The following SBF2 variants were observed in gnomAD, a reference collection of about 807,000 sequenced individuals.
SBF2 encodes the protein SET binding factor 2.
In SBF2, 112 loss-of-function variants were observed where a neutral mutation model predicts 225.2. That is an observed-to-expected ratio of 0.50 (90% confidence interval 0.43 to 0.58). SBF2 has a LOEUF of 0.58. Ranked by LOEUF, SBF2 falls within the 20% of genes least tolerant of loss-of-function variation. SBF2 has a pLI of 0.00. For missense variants in SBF2, 1,996 were observed against 2,206.2 expected, an observed-to-expected ratio of 0.90 and a Z score of 1.91; for synonymous variants, 763 against 773.3, an observed-to-expected ratio of 0.99 and a Z score of 0.22.
intron 32 of SBF2, among the ~76,000 whole-genome samples, chr11:9,801,718 A>C (rs2133884180): frequency 6.6e-6 from 1 of 152,396 alleles, no homozygotes; most frequent in South Asian, 2.1e-4. Flanking sequence ...GTTATAAAAC[A>C]GATTGGATTA....
At chr11:9,875,607 A>C (rs1267639113) in intron 17 of SBF2, among the ~76,000 whole-genome samples, 1 of 152,212 alleles carries the variant, frequency 6.6e-6, no homozygotes, top group Non-Finnish European at 1.5e-5. Flanking sequence ...AAAGCAGGAG[A>C]AAATAACAGG....
rs376306499 is a variant in SBF2 at position 10,044,663 on chromosome 11, G to A, written c.142-1682C>T. 4.5e-4 allele frequency: 70 copies of A among 155,252 alleles called. 3 individuals carry two copies. In the South Asian group the frequency reaches 0.013, roughly 29 times the overall value. 9.6% of individuals were successfully genotyped at this position (155,252 alleles called of 1,614,324 possible). On this transcript the variant is annotated intron_variant, in intron 2 of 39. Transcript: ENST00000256190. ...AGGGTTTAATTGTGTAATGTCCTTG[G>A]TTCAAAGGCCCCACCTTCTTGTACT...
intron 2 of SBF2, among the ~76,000 whole-genome samples, chr11:10,106,082 T>G (rs1184527723): frequency 1.3e-5 from 2 of 152,218 alleles, no homozygotes; most frequent in East Asian, 3.9e-4. Context: ...GTTTGTTACA[T>G]GGGTATATTG....
intron 17 of SBF2, among the ~76,000 whole-genome samples, chr11:9,859,955 G>A (rs1857595968): frequency 6.6e-6 from 1 of 152,224 alleles, no homozygotes; most frequent in South Asian, 2.1e-4. Context: ...GCTGTAAGTT[G>A]TGGCTATGAA....
rs867977438 is a variant in SBF2, at chr11:10,261,290, C to A, written c.55+32725G>T. ...CCATCTTTGCTCACTGCAACCTCCA[C>A]CTCCTGGGCTCAAGCAATCCTCCCG... On this transcript the variant is annotated intron_variant, in intron 1 of 39. Transcript: ENST00000256190. 7.9e-5 allele frequency among the ~76,000 whole-genome samples: 12 copies of A among 152,312 alleles called. 1 individual carries two copies. The South Asian group carries it at 1.2e-3, about 16-fold the overall frequency.
chr11:9,904,985 T>C (rs1163644037), intron 16 of SBF2, among the ~76,000 whole-genome samples: 1 of 152,228 alleles, frequency 6.6e-6, no homozygotes, highest in East Asian at 1.9e-4. Flanking sequence ...TTGTATCACG[T>C]GGCCTTCCAG....
At chr11:10,208,574 G>A (rs1453103701) in intron 1 of SBF2, among the ~76,000 whole-genome samples, 1 of 151,944 alleles carries the variant, frequency 6.6e-6, no homozygotes, top group East Asian at 1.9e-4. Context: ...TGGCAGGAAA[G>A]AACACAGGTG....
intron 2 of SBF2, 157 bp from the exon 3 acceptor site, chr11:10,043,138 C>A (rs1949719605): frequency 2.8e-6 from 2 of 718,558 alleles, no homozygotes; most frequent in Non-Finnish European, 2.3e-6. Context: ...TGTACAGATT[C>A]ATAATGGTGA....
chr11:10,026,735 C>T (rs1949071035), intron 6 of SBF2, among the ~76,000 whole-genome samples: 2 of 151,948 alleles, frequency 1.3e-5, no homozygotes, highest in South Asian at 4.1e-4. Context: ...AAGATCCTGT[C>T]TCCAAAAAAA....
At chr11:9,873,366 T>C (rs1201140202) in intron 17 of SBF2, among the ~76,000 whole-genome samples, 3 of 152,168 alleles carry the variant, frequency 2.0e-5, no homozygotes, top group Non-Finnish European at 2.9e-5. Flanking sequence ...TCAAAAGATA[T>C]GTTATGGAAA....
intron 1 of SBF2, among the ~76,000 whole-genome samples, chr11:10,229,055 G>A (rs1279253442): frequency 6.6e-6 from 1 of 152,068 alleles, no homozygotes; most frequent in Admixed American, 6.6e-5. Context: ...TTGGGAGGGT[G>A]TGTCGAGGAA....
chr11:9,837,441 TATA>T (rs1371597890), intron 26 of SBF2, among the ~76,000 whole-genome samples: 1 of 152,262 alleles, frequency 6.6e-6, no homozygotes, highest in African/African-American at 2.4e-5. Flanking sequence ...CTTATCTTTA[TATA>T]ATAAACTTCT....
chr11:9,842,791 G>T (rs759031086), intron 24 of SBF2, 21 bp from the exon 25 acceptor site: 1 of 1,613,240 alleles, frequency 6.2e-7, no homozygotes, highest in Non-Finnish European at 8.5e-7. Flanking sequence ...TAAAACCAAA[G>T]AGAATGTCAA....
chr11:9,850,788 A>G (rs963895000), intron 21 of SBF2, among the ~76,000 whole-genome samples: 8 of 152,232 alleles, frequency 5.3e-5, no homozygotes, highest in African/African-American at 1.4e-4. Context: ...TCATTCAATG[A>G]AACATTTTGT....
At chr11:9,830,854 T>A (rs529083921) in intron 27 of SBF2, among the ~76,000 whole-genome samples, 1 of 152,150 alleles carries the variant, frequency 6.6e-6, no homozygotes, top group Non-Finnish European at 1.5e-5. Flanking sequence ...ATAGTAAATT[T>A]AAATTAGATT....
chr11:10,050,061 C>T (rs1434872408), intron 2 of SBF2, among the ~76,000 whole-genome samples: 2 of 152,122 alleles, frequency 1.3e-5, no homozygotes, highest in Non-Finnish European at 2.9e-5. Flanking sequence ...GAATTAACAG[C>T]AAATAATCCC....
chr11:9,880,084 TAAAAAAAAAAAAA>T (rs58140393), intron 17 of SBF2, among the ~76,000 whole-genome samples: 1 of 51,994 alleles, frequency 1.9e-5, no homozygotes, highest in Non-Finnish European at 3.5e-5. Flanking sequence ...CTCTGTCTCA[TAAAAAAAAAAAAA>T]AAAAAAAAAA....
At chr11:9,780,558 G>A (rs530022792) in intron 39 of SBF2, 42 bp from the exon 40 acceptor site, 2 of 1,535,454 alleles carry the variant, frequency 1.3e-6, no homozygotes, top group East Asian at 4.5e-5. Context: ...GAAGGGCAGG[G>A]CTGTTTTATG....
chr11:10,120,292 T>A lies in SBF2; in HGVS notation c.141+73610A>T, dbSNP rs577856605. ...CTTCTTTTTTAAGGCTGGATAATAT[T>A]CTATTGAATGTATATACCACATTTT... On this transcript the variant is annotated intron_variant, in intron 2 of 39. Transcript: ENST00000256190. Among the ~76,000 whole-genome samples the A allele has an allele frequency of 2.0e-5, 3 of 152,338 alleles. No homozygotes were observed. In the East Asian group the frequency reaches 5.8e-4, roughly 29 times the overall value.
Sources: allele counts gnomAD v4.1 joint callset (sites outside exome capture counted in the v4.1 genomes callset), GRCh38; gene constraint gnomAD v4.1.1; transcripts MANE v1.5; gene names NCBI Gene and HGNC (gene_info 2026-07-23, HGNC 2026-07-21).